The following FAR2 variants were observed in gnomAD, a reference collection of about 807,000 sequenced individuals.
FAR2 encodes fatty acyl-CoA reductase 2.
A neutral mutation model predicts 56.0 loss-of-function variants in FAR2; 19 were observed. The observed-to-expected ratio is 0.34, with a 90% CI of 0.24 to 0.50. The LOEUF is 0.50. Ranked by LOEUF, FAR2 falls within the 20% of genes least tolerant of loss-of-function variation. The pLI is 0.98. For synonymous variants in FAR2, 219 were observed against 218.8 expected, an observed-to-expected ratio of 1.00 and a Z score of -0.01; for missense variants, 508 against 642.2, an observed-to-expected ratio of 0.79 and a Z score of 2.26.
At chr12:29,194,978 G>C (rs1950133585) in intron 1 of FAR2, among the ~76,000 whole-genome samples, 3 of 152,166 alleles carry the variant, frequency 2.0e-5, no homozygotes. Context: ...ACTATGAATG[G>C]TTAAGTCTAA....
At chr12:29,216,969 C>T (rs1056250831) in intron 1 of FAR2, among the ~76,000 whole-genome samples, 6 of 152,050 alleles carry the variant, frequency 3.9e-5, no homozygotes, top group Admixed American at 1.3e-4. Context: ...CAGAGCTATC[C>T]GTCATAAGGT....
chr12:29,308,689 GACACACACACACAC>G (rs57435586), intron 5 of FAR2, among the ~76,000 whole-genome samples: 50 of 137,370 alleles, frequency 3.6e-4, no homozygotes, highest in South Asian at 1.6e-3. Context: ...CAGACACACA[GACACACACACACAC>G]ACACACACAC....
At chr12:29,239,346 A>G (rs1401964189) in intron 1 of FAR2, among the ~76,000 whole-genome samples, 1 of 152,142 alleles carries the variant, frequency 6.6e-6, no homozygotes, top group Admixed American at 6.6e-5. Flanking sequence ...AAGGGCAGGA[A>G]ACCCTTTCCA....
Position 29,149,941 on chromosome 12 carries a change from C to T in FAR2, c.-39+534C>T, listed in dbSNP as rs536800338. The stretch of plus-strand genomic sequence containing the variant: ...TCCCCGGAGCAGGTCCTCGCCAGCC[C>T]CCAGCCCCACCCCAGGCTGCGCACG... On this transcript the variant is annotated intron_variant, in intron 1 of 11. Transcript: ENST00000536681. 2.6e-5 allele frequency among the ~76,000 whole-genome samples: 4 copies of T among 152,324 alleles called. No homozygotes were observed. The South Asian group carries it at 8.3e-4, about 32-fold the overall frequency.
Position 29,309,221 on chromosome 12 carries a change from C to T in FAR2, c.759C>T (p.Ile253=), listed in dbSNP as rs765239519. 30 of 1,599,552 alleles carry T rather than the reference C, an allele frequency of 1.9e-5. No individual in the cohort carries two copies. The South Asian group carries it at 2.9e-4, about 15-fold the overall frequency. ...WVDNINGPNG[I]IIATGKGFLR... is the part of the protein sequence containing the mutation. ...ATAATATAAATGGACCTAATGGAAT[C>T]ATTATTGCGGTATGTATAATGATGA... Residue 253 remains isoleucine, a synonymous_variant, in exon 6 of 12, where the codon ATC becomes ATT. Transcript: ENST00000536681.
intron 1 of FAR2, among the ~76,000 whole-genome samples, chr12:29,211,265 T>A (rs1947543669): frequency 6.6e-6 from 1 of 152,122 alleles, no homozygotes; most frequent in Non-Finnish European, 1.5e-5. Context: ...CACTCCGGCC[T>A]GGGCAATGGA....
intron 1 of FAR2, among the ~76,000 whole-genome samples, chr12:29,173,579 A>C (rs1949908378): frequency 6.6e-6 from 1 of 152,096 alleles, no homozygotes; most frequent in Admixed American, 6.5e-5. Context: ...CATCAGAGAG[A>C]GAATACTGGG....
chr12:29,216,266 T>C (rs1479676761), intron 1 of FAR2, among the ~76,000 whole-genome samples: 1 of 152,246 alleles, frequency 6.6e-6, no homozygotes, highest in Non-Finnish European at 1.5e-5. Context: ...TCAGCAGTCT[T>C]ATTTACAACG....
At chr12:29,244,924 C>T (rs1223114693) in intron 1 of FAR2, among the ~76,000 whole-genome samples, 1 of 152,100 alleles carries the variant, frequency 6.6e-6, no homozygotes. Flanking sequence ...GTTTCTACCA[C>T]CCATCCCTTC....
intron 2 of FAR2, chr12:29,277,753 G>A (rs182785106): frequency 6.6e-6 from 1 of 152,248 alleles, no homozygotes; most frequent in East Asian, 1.9e-4. Context: ...CCTAGGCTCT[G>A]CCTACTTTGC....
intron 1 of FAR2, among the ~76,000 whole-genome samples, chr12:29,195,717 A>G (rs1221941631): frequency 2.0e-5 from 3 of 152,180 alleles, no homozygotes; most frequent in African/African-American, 7.2e-5. Context: ...TTTTATTCTC[A>G]TATATTTAAG....
At chr12:29,191,580 T>G (rs1361365637) in intron 1 of FAR2, among the ~76,000 whole-genome samples, 2 of 152,238 alleles carry the variant, frequency 1.3e-5, no homozygotes, top group Non-Finnish European at 2.9e-5. Context: ...AAACTTGTAC[T>G]TGACAGAAAC....
intron 1 of FAR2, among the ~76,000 whole-genome samples, chr12:29,198,870 C>T (rs894176511): frequency 6.6e-6 from 1 of 152,172 alleles, no homozygotes; most frequent in African/African-American, 2.4e-5. Context: ...CATTAATTTC[C>T]TCCTTTTCTC....
At chr12:29,218,646 T>C (rs75681366) in intron 1 of FAR2, among the ~76,000 whole-genome samples, 8,067 of 152,170 alleles carry the variant, frequency 0.053, 532 homozygotes, top group African/African-American at 0.15. Flanking sequence ...TTAACTCACA[T>C]GGTAAAAAAT....
Position 29,334,553 on chromosome 12 carries a change from C to T in FAR2, c.*759C>T, listed in dbSNP as rs1047578898. On this transcript the variant is annotated 3_prime_UTR_variant, in exon 12 of 12. Coordinates refer to ENST00000536681, the MANE Select transcript of FAR2 (RefSeq NM_001271783.2). ...CTAAATCTTTTTAATCCTCAATTTT[C>T]CTGGTAACCTTCTTTCAAGAGTCTC... 1 of 152,072 alleles carries T rather than the reference C, an allele frequency of 6.6e-6. No homozygotes were observed. Among genetic ancestry groups the T allele is most frequent in the Non-Finnish European group, 1.5e-5 (1 of 68,006 alleles). 9.4% of individuals were successfully genotyped at this position (152,072 alleles called of 1,614,324 possible).
intron 1 of FAR2, among the ~76,000 whole-genome samples, chr12:29,164,673 A>T (rs904653654): frequency 5.9e-5 from 9 of 152,208 alleles, no homozygotes; most frequent in African/African-American, 1.9e-4. Context: ...GCTCTGAGCC[A>T]TGAACTGAGG....
intron 1 of FAR2, among the ~76,000 whole-genome samples, chr12:29,194,646 TGA>T (rs1431197594): frequency 6.6e-6 from 1 of 151,798 alleles, no homozygotes; most frequent in Non-Finnish European, 1.5e-5. Flanking sequence ...GAAAATGTCT[TGA>T]GAGAGCTGGG....
chr12:29,191,984 T>TA (rs1209455494), intron 1 of FAR2, among the ~76,000 whole-genome samples: 1 of 152,236 alleles, frequency 6.6e-6, no homozygotes, highest in African/African-American at 2.4e-5. Context: ...AGTGGACTCT[T>TA]ACTTATCAGA....
chr12:29,209,692 C>G (rs897650011), intron 1 of FAR2, among the ~76,000 whole-genome samples: 2 of 149,082 alleles, frequency 1.3e-5, no homozygotes, highest in Non-Finnish European at 3.0e-5. Flanking sequence ...GATGTCTGCT[C>G]TGTGTGTGTG....
Sources: allele counts gnomAD v4.1 joint callset (sites outside exome capture counted in the v4.1 genomes callset), GRCh38; gene constraint gnomAD v4.1.1; transcripts MANE v1.5; gene names NCBI Gene and HGNC (gene_info 2026-07-23, HGNC 2026-07-21).